Variants in ADGRG6 observed in about 807,000 individuals in gnomAD.
ADGRG6 encodes adhesion G protein-coupled receptor G6.
In ADGRG6, 84 loss-of-function variants were observed where a neutral mutation model predicts 142.4. The ratio of observed to expected loss-of-function variants is 0.59; its 90% CI spans 0.49 to 0.71. ADGRG6 has a LOEUF of 0.71. Ranked by LOEUF, ADGRG6 falls within the 30% of genes least tolerant of loss-of-function variation. ADGRG6 has a pLI of 0.00. For missense variants in ADGRG6, 1,367 were observed against 1,466.6 expected, an observed-to-expected ratio of 0.93 and a Z score of 1.11; for synonymous variants, 521 against 520.5, an observed-to-expected ratio of 1.00 and a Z score of -0.01.
chr6:142,318,732 G>A (rs1044227414), intron 2 of ADGRG6, among the ~76,000 whole-genome samples: 3 of 151,900 alleles, frequency 2.0e-5, no homozygotes, highest in South Asian at 2.1e-4. Flanking sequence ...GAAGGGAGCA[G>A]GGACAAGGAC....
chr6:142,429,457 A>G (rs2115153191), intron 22 of ADGRG6, among the ~76,000 whole-genome samples: 1 of 152,344 alleles, frequency 6.6e-6, no homozygotes, highest in South Asian at 2.1e-4. Context: ...ACTCTTTGGC[A>G]GGGCATTTTG....
chr6:142,360,305 G>A (rs1301081008), intron 2 of ADGRG6, among the ~76,000 whole-genome samples: 1 of 152,204 alleles, frequency 6.6e-6, no homozygotes, highest in Non-Finnish European at 1.5e-5. Flanking sequence ...GTGCTCAGTA[G>A]CACATGTATG....
chr6:142,407,955 C>A (rs1250557078), intron 15 of ADGRG6, among the ~76,000 whole-genome samples, 195 bp from the exon 16 acceptor site: 1 of 152,064 alleles, frequency 6.6e-6, no homozygotes, highest in Non-Finnish European at 1.5e-5. Context: ...CCAACATTCC[C>A]TCAATGTATT....
rs759274172 is a variant in ADGRG6, at chr6:142,370,673, A to T, written c.949A>T (p.Met317Leu). Residue 317 changes from methionine (M) to leucine (L), a missense_variant, in exon 4 of 25, where the codon ATG (methionine) becomes TTG (leucine). Met to Leu is a conservative substitution (Grantham distance 15). Transcript: ENST00000367609. ...IYNFRLWNFT[M>L]NAKILSNLSC... ...TAACTTTCGACTTTGGAATTTTACC[A>T]TGAATGCCAAAATCCTCTCCAACCT... 1 of 1,613,836 alleles carries T rather than the reference A, an allele frequency of 6.2e-7. No individual in the cohort carries two copies. Among genetic ancestry groups the T allele is most frequent in the South Asian group, 1.1e-5 (1 of 91,076 alleles).
Position 142,415,916 on chromosome 6 carries a change from C to T in ADGRG6, c.2790C>T (p.Cys930=), listed in dbSNP as rs1488632759. 5 of 1,613,582 alleles carry T rather than the reference C, an allele frequency of 3.1e-6. No individual in the cohort carries two copies. Among genetic ancestry groups the T allele is most frequent in the Non-Finnish European group, 4.2e-6 (5 of 1,179,590 alleles). The part of the protein sequence containing the change: ...WITSFNVDGL[C]IAVAVLLHFF... ...CCTCCTTCAATGTGGATGGACTTTG[C>T]ATTGCTGTTGCAGTCCTGTTGCATT... is the stretch of plus-strand genomic sequence containing the variant. Residue 930 remains cysteine, a synonymous_variant, in exon 20 of 25, where the codon TGC becomes TGT. Coordinates refer to ENST00000367609, the MANE Select transcript of ADGRG6 (RefSeq NM_198569.3).
intron 16 of ADGRG6, 78 bp downstream of exon 16, chr6:142,408,347 T>C: frequency 8.9e-7 from 1 of 1,123,410 alleles, no homozygotes; most frequent in Non-Finnish European, 1.2e-6. Flanking sequence ...TTCTACATGT[T>C]AAAAAGTAAC....
intron 20 of ADGRG6, among the ~76,000 whole-genome samples, chr6:142,416,348 C>T (rs1409028922): frequency 6.6e-6 from 1 of 152,152 alleles, no homozygotes; most frequent in Non-Finnish European, 1.5e-5. Context: ...CCACCCAAGT[C>T]TGAAGAAGCA....
At chr6:142,363,951 TAAAG>T (rs1363547127) in intron 2 of ADGRG6, among the ~76,000 whole-genome samples, 2 of 152,056 alleles carry the variant, frequency 1.3e-5, no homozygotes, top group Admixed American at 6.5e-5. Flanking sequence ...AAACGTCTCT[TAAAG>T]AAGCACTTGA....
At position 142,438,301 on chromosome 6, in the gene ADGRG6, A is replaced by C; in HGVS notation, c.3511A>C (p.Thr1171Pro). 1 of 1,608,326 alleles carries C rather than the reference A, an allele frequency of 6.2e-7. No individual in the cohort carries two copies. The highest frequency in any genetic ancestry group is 8.5e-7 in the Non-Finnish European group (1 of 1,176,288). ...LSSSSIGSNS[T>P]YLTSKSKSSS... is the part of the protein sequence containing the mutation. The stretch of plus-strand genomic sequence containing the variant: ...TTCAAGCTCCATTGGTTCCAACTCA[A>C]CCTATCTTACATCCAAATCTAAATC... The change falls in exon 24 of 25, where the codon ACC becomes CCC. Residue 1171 changes from threonine (T) to proline (P), a missense_variant. Thr to Pro is a conservative substitution (Grantham distance 38). Transcript: ENST00000367609.
intron 1 of ADGRG6, among the ~76,000 whole-genome samples, chr6:142,306,728 G>GT (rs1777516644): frequency 6.6e-6 from 1 of 151,946 alleles, no homozygotes. Context: ...TAGAACCTTA[G>GT]TAACCCTGTT....
At position 142,367,898 on chromosome 6, in the gene ADGRG6, A is replaced by G; in HGVS notation, c.433A>G (p.Ser145Gly). The change falls in exon 3 of 25, where the codon AGC becomes GGC. Residue 145 changes from serine to glycine, a missense_variant. Physicochemically the swap from Ser to Gly is moderately conservative, Grantham distance 56. Transcript: ENST00000367609. ...CATCCAGAAGAAAGGTTTCAATGCC[A>G]GCTACATCAGAGGTATGTAAACCAA... ...FSIQKKGFNA[S>G]YIRVAVSLRN... is the part of the protein sequence containing the mutation. 6.2e-7 allele frequency: 1 copy of G among 1,600,254 alleles called. No homozygotes were observed. Among genetic ancestry groups the G allele is most frequent in the Non-Finnish European group, 8.5e-7 (1 of 1,173,078 alleles).
chr6:142,303,693 A>T (rs960465423), intron 1 of ADGRG6, among the ~76,000 whole-genome samples: 1 of 152,216 alleles, frequency 6.6e-6, no homozygotes, highest in African/African-American at 2.4e-5. Context: ...TTTTCTTGAA[A>T]ATATACTAGG....
rs943718219 is a variant in ADGRG6 at position 142,302,195 on chromosome 6, G to A, written c.-135G>A. 2.1e-6 allele frequency: 2 copies of A among 945,648 alleles called. No homozygotes were observed. The highest frequency in any genetic ancestry group is 1.6e-6 in the Non-Finnish European group (1 of 633,010). The allele number at this position is 945,648 out of a possible 1,614,324, so 58.6% of individuals were successfully genotyped here. ...AAAGCCCATGAACTCTCCAGAAACG[G>A]CGTAAAGGAGGGTCCCGCCGCGGCG... On this transcript the variant is annotated 5_prime_UTR_variant, in exon 1 of 25. Transcript: ENST00000367609.
At position 142,437,309 on chromosome 6, in the gene ADGRG6, G is replaced by A. The variant is rs1206707123; in HGVS notation, c.3320-125G>A. 5.4e-6 allele frequency: 3 copies of A among 559,244 alleles called. No homozygotes were observed. The East Asian group carries it at 9.0e-5, about 17-fold the overall frequency. The allele number at this position is 559,244 out of a possible 1,614,324, so 34.6% of individuals were successfully genotyped here. ...CATACTGCAAGATTCATTTCCTTAAGATCTTTGTTTCTTAGTGCCTTTGAT... is the reference window on the plus strand; with the variant it reads ...CATACTGCAAGATTCATTTCCTTAAAATCTTTGTTTCTTAGTGCCTTTGAT... On this transcript the variant is annotated intron_variant, in intron 22 of 24. Transcript: ENST00000367609.
chr6:142,402,177 G>A (rs939729941), intron 12 of ADGRG6, 119 bp downstream of exon 12: 5 of 554,468 alleles, frequency 9.0e-6, no homozygotes, highest in African/African-American at 7.8e-5. Flanking sequence ...ATATTAAAAG[G>A]CAAATGATTG....
chr6:142,363,336 A>T (rs984507258), intron 2 of ADGRG6, among the ~76,000 whole-genome samples: 2 of 145,400 alleles, frequency 1.4e-5, no homozygotes, highest in South Asian at 2.1e-4. Flanking sequence ...ATCTGAGATT[A>T]AAAAAAAAAC....
rs1204304460 is a variant in ADGRG6, at chr6:142,415,804, G to A, written c.2678G>A (p.Arg893Gln). ...LLTYVAFEKLRRDYPSKILMN... is the reference protein window; with the variant it reads ...LLTYVAFEKLQRDYPSKILMN... ...CTTTTTTCATTTTTTAGGAAATTGCGAAGGGATTATCCCTCCAAAATCTTG... is the reference window on the plus strand; with the variant it reads ...CTTTTTTCATTTTTTAGGAAATTGCAAAGGGATTATCCCTCCAAAATCTTG... Residue 893 changes from arginine to glutamine, a missense_variant, in exon 20 of 25, where the codon CGA (arginine) becomes CAA (glutamine). Transcript: ENST00000367609. 6.2e-7 allele frequency: 1 copy of A among 1,609,588 alleles called. No individual in the cohort carries two copies. Among genetic ancestry groups the A allele is most frequent in the Non-Finnish European group, 8.5e-7 (1 of 1,176,804 alleles).
intron 2 of ADGRG6, among the ~76,000 whole-genome samples, chr6:142,325,749 T>G: frequency 6.6e-6 from 1 of 152,006 alleles, no homozygotes; most frequent in South Asian, 2.1e-4. Context: ...TATTTGTAGA[T>G]TTTTTTAAAA....
At chr6:142,404,273 G>A (rs1775684684) in intron 14 of ADGRG6, 2 of 318,278 alleles carry the variant, frequency 6.3e-6, no homozygotes, top group East Asian at 1.8e-4. Context: ...AGAGGAAAGA[G>A]CTTTAAGGGC....
Sources: allele counts gnomAD v4.1 joint callset (sites outside exome capture counted in the v4.1 genomes callset), GRCh38; gene constraint gnomAD v4.1.1; transcripts MANE v1.5; gene names NCBI Gene and HGNC (gene_info 2026-07-23, HGNC 2026-07-21).